Variants in FECH observed in about 807,000 individuals in gnomAD.
FECH encodes ferrochelatase.
Under a neutral mutation model 56.9 loss-of-function variants are expected in FECH, and 40 were observed. The ratio of observed to expected loss-of-function variants is 0.70; its 90% CI spans 0.55 to 0.92. The LOEUF (loss-of-function observed/expected upper bound fraction) is 0.92, where lower values mean the gene tolerates loss of function less well. Among genes scored for constraint, FECH ranks in the 40% least tolerant of loss-of-function variants. The probability of loss-of-function intolerance (pLI) is 0.00; values close to 1 mark genes in which losing one functional copy is unlikely to be tolerated. For synonymous variants in FECH, 175 were observed against 198.6 expected (o/e 0.88, Z 1.00); for missense variants, 431 against 529.1 (o/e 0.81, Z 1.82).
At chr18:57,577,957 G>GT (rs34611377) in intron 2 of FECH, among the ~76,000 whole-genome samples, 18,339 of 150,406 alleles carry the variant, frequency 0.12, 1,196 homozygotes, top group Non-Finnish European at 0.15. Context: ...ATGTTTTAAG[G>GT]TTTTTTTTGT....
chr18:57,572,699 C>T (rs967635645), intron 3 of FECH, among the ~76,000 whole-genome samples: 6 of 151,596 alleles, frequency 4.0e-5, no homozygotes, highest in African/African-American at 1.5e-4. Flanking sequence ...CGCTTTCCTC[C>T]AGGTGGATAA....
chr18:57,563,580 C>CAA (rs747565830), intron 5 of FECH, among the ~76,000 whole-genome samples: 794 of 32,552 alleles, frequency 0.024, 69 homozygotes, highest in South Asian at 0.063. Context: ...AACTCCGTCC[C>CAA]AAAAAAAAAA....
chr18:57,555,852 G>A (rs1045282063), intron 7 of FECH, among the ~76,000 whole-genome samples: 1 of 152,236 alleles, frequency 6.6e-6, no homozygotes, highest in African/African-American at 2.4e-5. Context: ...TGATAGATGG[G>A]GCGCAGTGGC....
At chr18:57,570,775 G>A (rs1436350701) in intron 4 of FECH, among the ~76,000 whole-genome samples, 1 of 152,198 alleles carries the variant, frequency 6.6e-6, no homozygotes, top group Non-Finnish European at 1.5e-5. Context: ...GTTTAATACA[G>A]CATTTTTACT....
intron 4 of FECH, among the ~76,000 whole-genome samples, chr18:57,569,838 T>A (rs1453641753): frequency 7.1e-6 from 1 of 141,748 alleles, no homozygotes; most frequent in African/African-American, 2.6e-5. Context: ...TAATAAAACC[T>A]TTTTTTTTTT....
At chr18:57,568,989 G>T (rs1336719362) in intron 4 of FECH, among the ~76,000 whole-genome samples, 1 of 152,136 alleles carries the variant, frequency 6.6e-6, no homozygotes, top group Non-Finnish European at 1.5e-5. Context: ...TTTTCTAGCT[G>T]AGGCTTAGTT....
rs1465730968 is a variant in FECH, at chr18:57,571,559, A to G, written c.315-19T>C. The stretch of plus-strand genomic sequence containing the variant: ...CAGCTTACTAAATCATTTAACATAC[A>G]GGTAAGTGGATTTTATTCCAGCTTA... On this transcript the variant is annotated intron_variant, in intron 3 of 10. Transcript: ENST00000262093. 3 of 1,614,112 alleles carry G rather than the reference A, an allele frequency of 1.9e-6. No individual in the cohort carries two copies. The highest frequency in any genetic ancestry group is 2.5e-6 in the Non-Finnish European group (3 of 1,180,018).
Position 57,573,415 on chromosome 18 carries a change from T to C in FECH, c.195-50A>G, listed in dbSNP as rs764748284. The C allele has an allele frequency of 4.3e-6, 7 of 1,609,998 alleles. No individual in the cohort carries two copies. The Admixed American group carries it at 1.2e-4, about 27-fold the overall frequency. On this transcript the variant is annotated intron_variant, in intron 2 of 10. Transcript: ENST00000262093. ...TGATTTGTCACACTTCTTATTTTCT[T>C]CCAGGGTGGACTCTTGGTTCAGCCA...
rs1163218271 is a variant in FECH at position 57,545,280 on chromosome 18, C to T, written c.*5432G>A. On this transcript the variant is annotated 3_prime_UTR_variant, in exon 11 of 11. Transcript: ENST00000262093. ...CAAAAATGTTTTTAATTCCAACATC[C>T]ATCTTAATGGCCTACTGTAGCCTAA... 6.6e-6 allele frequency among the ~76,000 whole-genome samples: 1 copy of T among 152,168 alleles called. No individual in the cohort carries two copies. Among genetic ancestry groups the T allele is most frequent in the Non-Finnish European group, 1.5e-5 (1 of 68,034 alleles).
At position 57,551,638 on chromosome 18, in the gene FECH, C is replaced by T. The variant is rs113201992; in HGVS notation, c.1078-264G>A. ...TCCTAAAGGTGGTTTGTTTGCAAAT[C>T]CTTTTTGTGGTTACACTTGATGAAA... is the stretch of plus-strand genomic sequence containing the variant. On this transcript the variant is annotated intron_variant, in intron 9 of 10. Transcript: ENST00000262093. Among the ~76,000 whole-genome samples, 286 of 152,226 alleles carry T rather than the reference C, an allele frequency of 1.9e-3. 2 individuals are homozygous for T. The highest frequency in any genetic ancestry group is 6.2e-3 in the African/African-American group (259 of 41,548).
rs1257422885 is a variant in FECH, at chr18:57,547,614, A to T, written c.*3098T>A. Among the ~76,000 whole-genome samples, 3 of 152,008 alleles carry T rather than the reference A, an allele frequency of 2.0e-5. No individual in the cohort carries two copies. Among genetic ancestry groups the T allele is most frequent in the Admixed American group, 2.0e-4 (3 of 15,260 alleles). The stretch of plus-strand genomic sequence containing the variant: ...ATTAAACCTCTTTCCTTTGTAAATG[A>T]CCCAGTCTCTGTATTTCTTTTCTTT... On this transcript the variant is annotated 3_prime_UTR_variant, in exon 11 of 11. Transcript: ENST00000262093.
intron 2 of FECH, among the ~76,000 whole-genome samples, chr18:57,578,626 G>A (rs939063260): frequency 1.3e-5 from 2 of 152,106 alleles, no homozygotes; most frequent in African/African-American, 2.4e-5. Flanking sequence ...GATGCAGTGA[G>A]CCATGATCAC....
Position 57,550,630 on chromosome 18 carries a change from A to G in FECH, c.*82T>C. ...CAAGGAAGGATGACTTCCTTCCTTG[A>G]TCTCTAAATAACACCCTCTCCACAT... On this transcript the variant is annotated 3_prime_UTR_variant, in exon 11 of 11. Coordinates refer to ENST00000262093, the MANE Select transcript of FECH (RefSeq NM_000140.5). 1 of 1,573,380 alleles carries G rather than the reference A, an allele frequency of 6.4e-7. No individual in the cohort carries two copies. The highest frequency in any genetic ancestry group is 8.7e-7 in the Non-Finnish European group (1 of 1,146,550).
At chr18:57,551,276 TG>T in intron 10 of FECH, 38 bp downstream of exon 10, 1 of 1,415,796 alleles carries the variant, frequency 7.1e-7, no homozygotes, top group Non-Finnish European at 1.0e-6. Flanking sequence ...GATTACTCTC[TG>T]GTATGTTCTA....
Position 57,554,378 on chromosome 18 carries a change from T to C in FECH, c.959A>G (p.Lys320Arg), listed in dbSNP as rs371224528. The C allele has an allele frequency of 7.4e-5, 120 of 1,614,084 alleles. No individual in the cohort carries two copies. The highest frequency in any genetic ancestry group is 9.5e-5 in the Non-Finnish European group (112 of 1,180,026). Reference sequence around the variant, plus strand: ...CTTCCTCCCCCTCTCACAAAGCCCTTTGATAGATTCGTCTGTTTGAGGACC... The same window carrying C: ...CTTCCTCCCCCTCTCACAAAGCCCTCTGATAGATTCGTCTGTTTGAGGACC... ...WLGPQTDESI[K>R]GLCERGRKNI... Residue 320 changes from lysine (K) to arginine (R), a missense_variant, in exon 9 of 11, where the codon AAA becomes AGA. By Grantham distance (26) the Lys-to-Arg change is conservative. Coordinates refer to ENST00000262093, the MANE Select transcript of FECH (RefSeq NM_000140.5).
chr18:57,578,955 T>G (rs1050945325), intron 2 of FECH, among the ~76,000 whole-genome samples: 1 of 144,744 alleles, frequency 6.9e-6, no homozygotes, highest in Non-Finnish European at 1.5e-5. Context: ...CAAGACTCCC[T>G]CTCAAAAAAA....
intron 2 of FECH, 142 bp from the exon 3 acceptor site, chr18:57,573,507 C>A: frequency 1.0e-6 from 1 of 959,064 alleles, no homozygotes; most frequent in Non-Finnish European, 1.6e-6. Context: ...CACACAGATA[C>A]CTATTCGGGG....
At chr18:57,579,738 C>G (rs775478597) in intron 2 of FECH, among the ~76,000 whole-genome samples, 2 of 152,218 alleles carry the variant, frequency 1.3e-5, no homozygotes, top group Non-Finnish European at 2.9e-5. Context: ...ACAGAACATA[C>G]ATTTCATAGG....
In FECH at chr18:57,550,859, C is replaced by T. The variant is rs760250060; in HGVS notation, c.1138-13G>A. On this transcript the variant is annotated splice_polypyrimidine_tract_variant and intron_variant, in intron 10 of 10. Coordinates refer to ENST00000262093, the MANE Select transcript of FECH (RefSeq NM_000140.5). The stretch of plus-strand genomic sequence containing the variant: ...AGTCGGCCAGGGCCTGGAAGATAGA[C>T]AAGAGGCAAAGACGCATGAGAAGCA... 2 of 1,613,210 alleles carry T rather than the reference C, an allele frequency of 1.2e-6. No individual in the cohort carries two copies. The highest frequency in any genetic ancestry group is 8.5e-7 in the Non-Finnish European group (1 of 1,180,008).
Sources: gnomAD v4.1 joint callset for allele counts (sites outside exome capture counted in the v4.1 genomes callset) on GRCh38, gnomAD v4.1.1 for gene constraint, MANE v1.5 for transcripts, NCBI Gene and HGNC (gene_info 2026-07-23, HGNC 2026-07-21) for gene names.